NRG1: variants seen among roughly 807,000 people sequenced by gnomAD.
NRG1 encodes pro-neuregulin-1, membrane-bound isoform.
A neutral mutation model predicts 63.8 loss-of-function variants in NRG1; 18 were observed. The observed-to-expected ratio is 0.28, with a 90% confidence interval of 0.19 to 0.42. The LOEUF is 0.42. Ranked by LOEUF, NRG1 falls within the 10% of genes least tolerant of loss-of-function variation. NRG1 has a pLI of 1.00. For synonymous variants in NRG1, 302 were observed against 301.3 expected, an observed-to-expected ratio of 1.00 and a Z score of -0.02; for missense variants, 762 against 814.7, an observed-to-expected ratio of 0.94 and a Z score of 0.79.
At chr8:32,693,565 A>G (rs1812452077) in intron 5 of NRG1, among the ~76,000 whole-genome samples, 1 of 151,972 alleles carries the variant, frequency 6.6e-6, no homozygotes, top group Admixed American at 6.5e-5. Flanking sequence ...AAAAAAAAAA[A>G]AAGCCTCATG....
intron 1 of NRG1, among the ~76,000 whole-genome samples, chr8:32,190,335 C>G (rs2132186808): frequency 6.6e-6 from 1 of 152,096 alleles, no homozygotes; most frequent in East Asian, 1.9e-4. Flanking sequence ...GCCTCTGTAG[C>G]CAAATTATCA....
intron 1 of NRG1, among the ~76,000 whole-genome samples, chr8:32,519,072 G>C (rs1404540464): frequency 2.0e-5 from 3 of 152,004 alleles, no homozygotes; most frequent in Non-Finnish European, 2.9e-5. Flanking sequence ...AAATTTCTTA[G>C]GGTTAGAATT....
intron 1 of NRG1, among the ~76,000 whole-genome samples, chr8:32,559,245 T>TAAAAAAATAAAAAAAAAAAA (rs1835848343): frequency 1.0e-5 from 1 of 96,788 alleles, no homozygotes; most frequent in Non-Finnish European, 2.0e-5. Context: ...CTCTAAAATG[T>TAAAAAAATAAAAAAAAAAAA]AAAAAAAAAA....
At chr8:32,751,368 G>A (rs958858570) in intron 7 of NRG1, among the ~76,000 whole-genome samples, 1 of 152,136 alleles carries the variant, frequency 6.6e-6, no homozygotes, top group Non-Finnish European at 1.5e-5. Flanking sequence ...TGGGGCATTT[G>A]TGCTCATTGA....
At chr8:32,291,808 G>A (rs1854234468) in intron 1 of NRG1, among the ~76,000 whole-genome samples, 1 of 152,094 alleles carries the variant, frequency 6.6e-6, no homozygotes, top group South Asian at 2.1e-4. Context: ...GCCTCCCATA[G>A]TGCTGAGATT....
At chr8:32,520,166 G>C (rs901822762) in intron 1 of NRG1, among the ~76,000 whole-genome samples, 2 of 152,010 alleles carry the variant, frequency 1.3e-5, no homozygotes, top group African/African-American at 4.8e-5. Flanking sequence ...GTTTTCTTCT[G>C]TTGTTTGTTT....
At chr8:32,361,405 T>C (rs2129481359) in intron 1 of NRG1, among the ~76,000 whole-genome samples, 2 of 152,304 alleles carry the variant, frequency 1.3e-5, no homozygotes, top group East Asian at 1.9e-4. Flanking sequence ...AGAAGCCCTG[T>C]ATGCATCTGG....
At chr8:31,891,408 A>C (rs2129613971) in intron 1 of NRG1, among the ~76,000 whole-genome samples, 1 of 152,314 alleles carries the variant, frequency 6.6e-6, no homozygotes, top group Middle Eastern at 3.4e-3. Flanking sequence ...ATTAACCATT[A>C]AGAAAATGCA....
At chr8:31,872,457 A>G (rs1182007576) in intron 1 of NRG1, among the ~76,000 whole-genome samples, 1 of 152,214 alleles carries the variant, frequency 6.6e-6, no homozygotes, top group Non-Finnish European at 1.5e-5. Context: ...CAGAATAAAT[A>G]AAAGTTTTTC....
intron 1 of NRG1, among the ~76,000 whole-genome samples, chr8:31,684,629 ATTAC>A (rs1223270856): frequency 1.3e-5 from 2 of 152,116 alleles, no homozygotes; most frequent in African/African-American, 4.8e-5. Context: ...GAGAACCACT[ATTAC>A]TTTCAACCTT....
chr8:32,761,856 TG>T, intron 11 of NRG1, among the ~76,000 whole-genome samples: 1 of 151,640 alleles, frequency 6.6e-6, no homozygotes, highest in Non-Finnish European at 1.5e-5. Flanking sequence ...CTGGCCAACA[TG>T]GTGAAACCCC....
At chr8:32,568,317 C>G (rs1027640234) in intron 1 of NRG1, among the ~76,000 whole-genome samples, 1 of 152,152 alleles carries the variant, frequency 6.6e-6, no homozygotes, top group Non-Finnish European at 1.5e-5. Context: ...CTCACTGAAT[C>G]TCTTTGAGCT....
intron 1 of NRG1, among the ~76,000 whole-genome samples, chr8:32,381,878 T>C (rs1474781844): frequency 1.3e-5 from 2 of 152,140 alleles, no homozygotes; most frequent in Non-Finnish European, 2.9e-5. Context: ...CAGTTAAAAC[T>C]GAAAGTAAAT....
At chr8:32,739,546 C>T (rs1383006707) in intron 6 of NRG1, among the ~76,000 whole-genome samples, 3 of 152,116 alleles carry the variant, frequency 2.0e-5, no homozygotes, top group Non-Finnish European at 4.4e-5. Context: ...TAGAGATAAG[C>T]CATCATCTTA....
At chr8:32,431,130 CA>C (rs1351753862) in intron 1 of NRG1, among the ~76,000 whole-genome samples, 1 of 152,182 alleles carries the variant, frequency 6.6e-6, no homozygotes, top group African/African-American at 2.4e-5. Flanking sequence ...CCCATGATCA[CA>C]GAACCAGTTA....
At chr8:32,458,995 A>G (rs1396322245) in intron 1 of NRG1, among the ~76,000 whole-genome samples, 1 of 152,134 alleles carries the variant, frequency 6.6e-6, no homozygotes, top group East Asian at 1.9e-4. Context: ...TTCATTTATT[A>G]CATTCACTCA....
At chr8:31,754,394 T>C (rs1045548701) in intron 1 of NRG1, among the ~76,000 whole-genome samples, 30 of 152,158 alleles carry the variant, frequency 2.0e-4, no homozygotes, top group Non-Finnish European at 2.4e-4. Flanking sequence ...GCTTCGCCCC[T>C]CTCTCTCACT....
intron 1 of NRG1, among the ~76,000 whole-genome samples, chr8:32,123,902 G>A (rs958884071): frequency 6.6e-6 from 1 of 151,688 alleles, no homozygotes; most frequent in Admixed American, 6.6e-5. Flanking sequence ...TTGAACTCAA[G>A]GGGGAAGTTT....
chr8:32,555,440 G>A (rs1254714872), intron 1 of NRG1, among the ~76,000 whole-genome samples: 1 of 152,148 alleles, frequency 6.6e-6, no homozygotes, highest in Non-Finnish European at 1.5e-5. Flanking sequence ...ACAGGTTTGA[G>A]TGACTAATTC....
Sources: allele counts gnomAD v4.1 joint callset (sites outside exome capture counted in the v4.1 genomes callset), GRCh38; gene constraint gnomAD v4.1.1; transcripts MANE v1.5; gene names NCBI Gene and HGNC (gene_info 2026-07-23, HGNC 2026-07-21).